Variants in FAM171B observed in about 807,000 individuals in gnomAD.
The protein encoded by FAM171B is family with sequence similarity 171 member B.
A neutral mutation model predicts 75.6 loss-of-function variants in FAM171B; 19 were observed. The ratio of observed to expected loss-of-function variants is 0.25; its 90% CI spans 0.18 to 0.37. FAM171B has a LOEUF of 0.37. FAM171B is among the 10% of genes least tolerant of loss of function. FAM171B has a pLI of 1.00. For synonymous variants in FAM171B, 367 were observed against 361.7 expected, an observed-to-expected ratio of 1.01 and a Z score of -0.17; for missense variants, 848 against 982.4, an observed-to-expected ratio of 0.86 and a Z score of 1.83.
chr2:186,751,348 G>A, intron 5 of FAM171B, 44 bp downstream of exon 5: 1 of 1,433,876 alleles, frequency 7.0e-7, no homozygotes, highest in Non-Finnish European at 9.3e-7. Context: ...TTACATATTT[G>A]TCAATTGACT....
chr2:186,720,711 A>AAG (rs1298431266), intron 1 of FAM171B, among the ~76,000 whole-genome samples: 16 of 142,062 alleles, frequency 1.1e-4, no homozygotes, highest in African/African-American at 1.6e-4. Context: ...AAAAAAAAAA[A>AAG]AAAAAGAAAA....
chr2:186,710,788 A>T (rs1689800193), intron 1 of FAM171B, among the ~76,000 whole-genome samples: 1 of 152,188 alleles, frequency 6.6e-6, no homozygotes, highest in South Asian at 2.1e-4. Flanking sequence ...AAATACACTG[A>T]AACATTGGAA....
At chr2:186,731,062 T>G (rs1690106390) in intron 1 of FAM171B, among the ~76,000 whole-genome samples, 1 of 152,258 alleles carries the variant, frequency 6.6e-6, no homozygotes, top group African/African-American at 2.4e-5. Flanking sequence ...GAGTTAGTTA[T>G]GTTCAGTTTG....
chr2:186,756,555 G>C (rs1434905465), intron 6 of FAM171B, among the ~76,000 whole-genome samples: 1 of 152,150 alleles, frequency 6.6e-6, no homozygotes, highest in African/African-American at 2.4e-5. Flanking sequence ...GGGTTGGTGA[G>C]GCCTCTTCCT....
intron 1 of FAM171B, among the ~76,000 whole-genome samples, chr2:186,725,639 A>G (rs1690021786): frequency 6.6e-6 from 1 of 152,120 alleles, no homozygotes; most frequent in Admixed American, 6.5e-5. Context: ...CATTAGTCTG[A>G]GTTAGGTGCT....
chr2:186,750,167 C>G (rs1356797796), intron 4 of FAM171B, among the ~76,000 whole-genome samples: 1 of 152,086 alleles, frequency 6.6e-6, no homozygotes, highest in Non-Finnish European at 1.5e-5. Context: ...TTTCTCCCAT[C>G]TATTTGTAGA....
intron 1 of FAM171B, among the ~76,000 whole-genome samples, chr2:186,705,099 G>A (rs1689716623): frequency 6.6e-6 from 1 of 152,242 alleles, no homozygotes; most frequent in Non-Finnish European, 1.5e-5. Flanking sequence ...CAGTGTTACA[G>A]CTCCTATGGT....
intron 1 of FAM171B, among the ~76,000 whole-genome samples, chr2:186,727,069 C>T (rs1183132460): frequency 2.0e-5 from 3 of 152,046 alleles, no homozygotes; most frequent in Admixed American, 1.3e-4. Flanking sequence ...TTCCCTCTCT[C>T]CCCCCACCCC....
intron 1 of FAM171B, among the ~76,000 whole-genome samples, chr2:186,716,857 GGTT>G (rs1051114296): frequency 3.3e-5 from 5 of 152,068 alleles, no homozygotes; most frequent in Admixed American, 6.6e-5. Flanking sequence ...GGGAGTTTGT[GGTT>G]GTTGTTGTAC....
At chr2:186,697,895 T>C (rs1689605221) in intron 1 of FAM171B, among the ~76,000 whole-genome samples, 1 of 152,178 alleles carries the variant, frequency 6.6e-6, no homozygotes, top group South Asian at 2.1e-4. Context: ...TGTGAACATT[T>C]TTTAAAAATC....
chr2:186,741,352 T>A (rs2105786200), intron 2 of FAM171B, among the ~76,000 whole-genome samples: 1 of 152,222 alleles, frequency 6.6e-6, no homozygotes, highest in African/African-American at 2.4e-5. Context: ...TGCCATAAGC[T>A]ATATATGAAC....
intron 1 of FAM171B, among the ~76,000 whole-genome samples, chr2:186,697,983 C>A (rs1689606109): frequency 6.6e-6 from 1 of 152,122 alleles, no homozygotes; most frequent in African/African-American, 2.4e-5. Context: ...AAAATAAAGA[C>A]TAAGGTTGGT....
In FAM171B at chr2:186,740,234, T is replaced by TTG; in HGVS notation, c.245_246insTG (p.Phe83AspfsTer4). The TTG allele has an allele frequency of 6.2e-7, 1 of 1,613,092 alleles. No individual in the cohort carries two copies. The highest frequency in any genetic ancestry group is 8.5e-7 in the Non-Finnish European group (1 of 1,179,114). On this transcript the variant is annotated frameshift_variant, in exon 2 of 8. Coordinates refer to ENST00000304698, the MANE Select transcript of FAM171B (RefSeq NM_177454.4). LOFTEE classifies it high-confidence loss of function. ...TCTACCTTTTTCTCTCCAGTGTCTG[T>TTG]ATTTATGTTGAAAGTCCAGGTGAAT...
At chr2:186,750,990 C>T (rs901879892) in intron 4 of FAM171B, 144 bp from the exon 5 acceptor site, 2 of 527,802 alleles carry the variant, frequency 3.8e-6, no homozygotes, top group Non-Finnish European at 3.2e-6. Flanking sequence ...TTTAAAAAAT[C>T]CTTAATGTGT....
At chr2:186,746,691 G>C (rs1690369065) in intron 3 of FAM171B, among the ~76,000 whole-genome samples, 1 of 152,130 alleles carries the variant, frequency 6.6e-6, no homozygotes, top group Admixed American at 6.6e-5. Flanking sequence ...ACTGTGCTTG[G>C]GACAGGGCCC....
At chr2:186,718,554 T>G (rs1674040104) in intron 1 of FAM171B, among the ~76,000 whole-genome samples, 1 of 152,316 alleles carries the variant, frequency 6.6e-6, no homozygotes, top group Middle Eastern at 3.4e-3. Flanking sequence ...TGTAATACTT[T>G]GTTTGTATAA....
chr2:186,757,074 G>C (rs536412143), intron 6 of FAM171B, among the ~76,000 whole-genome samples: 88 of 152,196 alleles, frequency 5.8e-4, no homozygotes, highest in Middle Eastern at 3.4e-3. Context: ...GAGGAATGTT[G>C]ATGGAGGCTT....
chr2:186,757,767 C>T (rs1166206241), intron 6 of FAM171B, among the ~76,000 whole-genome samples: 1 of 152,142 alleles, frequency 6.6e-6, no homozygotes, highest in East Asian at 1.9e-4. Context: ...CAGATACACT[C>T]TCTTGCTACT....
rs916161507 is a variant in FAM171B, at chr2:186,745,494, G to T, written c.566-1598G>T. Among the ~76,000 whole-genome samples the T allele has an allele frequency of 3.3e-5, 5 of 152,316 alleles. No individual in the cohort carries two copies. In the East Asian group the frequency reaches 5.8e-4, roughly 18 times the overall value. On this transcript the variant is annotated intron_variant, in intron 3 of 7. Coordinates refer to ENST00000304698, the MANE Select transcript of FAM171B (RefSeq NM_177454.4). ...CCGTGAGAACACTGTGAGTCCTCTT[G>T]AATTCTCAGATCACTTCCTTTTACT...
Sources: gnomAD v4.1 joint callset for allele counts (sites outside exome capture counted in the v4.1 genomes callset) on GRCh38, gnomAD v4.1.1 for gene constraint, MANE v1.5 for transcripts, NCBI Gene and HGNC (gene_info 2026-07-23, HGNC 2026-07-21) for gene names.